ZC3H12B: variants seen among roughly 807,000 people sequenced by gnomAD.
ZC3H12B encodes zinc finger CCCH-type containing 12B.
ZC3H12B carries 7 observed loss-of-function variants against 43.9 expected under a neutral mutation model. The ratio of observed to expected loss-of-function variants is 0.16; its 90% CI spans 0.09 to 0.30. The LOEUF is 0.30. Among genes scored for constraint, ZC3H12B ranks in the 10% least tolerant of loss-of-function variants. The pLI is 1.00. For synonymous variants in ZC3H12B, 222 were observed against 241.7 expected (o/e 0.92, Z 0.76); for missense variants, 475 against 670.2 (o/e 0.71, Z 3.22).
chrX:65,335,825 G>C, the ZC3H12B span, among the ~76,000 whole-genome samples: 3 of 111,968 alleles, frequency 2.7e-5, no homozygotes, highest in Non-Finnish European at 5.6e-5. Flanking sequence ...CAAAATTCCT[G>C]TTCCCTGGAT....
intron 3 of ZC3H12B, among the ~76,000 whole-genome samples, chrX:65,425,280 T>A (rs764056204): frequency 9.0e-6 from 1 of 110,778 alleles, no homozygotes; most frequent in African/African-American, 3.3e-5. Flanking sequence ...CTGTTGTTGA[T>A]GTATATGAAT....
the ZC3H12B span, among the ~76,000 whole-genome samples, chrX:65,157,589 T>C: frequency 9.0e-6 from 1 of 111,465 alleles, no homozygotes; most frequent in Non-Finnish European, 1.9e-5. Flanking sequence ...TCTCTCTATA[T>C]TACTATGTTT....
At chrX:65,415,612 A>G (rs948492239) in intron 3 of ZC3H12B, among the ~76,000 whole-genome samples, 5 of 111,796 alleles carry the variant, frequency 4.5e-5, no homozygotes, top group East Asian at 2.8e-4. Flanking sequence ...ATAATGAGGC[A>G]TGTCTGACCC....
At chrX:65,389,951 T>C (rs1237840684) in intron 2 of ZC3H12B, among the ~76,000 whole-genome samples, 1 of 112,095 alleles carries the variant, frequency 8.9e-6, no homozygotes, top group Non-Finnish European at 1.9e-5. Context: ...TAAAGACACA[T>C]GCACACGTAT....
At chrX:65,124,702 G>A in the ZC3H12B span, among the ~76,000 whole-genome samples, 1 of 110,349 alleles carries the variant, frequency 9.1e-6, no homozygotes, top group Non-Finnish European at 1.9e-5. Context: ...TACCTTCTTA[G>A]TTTAATCTAG....
At chrX:65,212,257 A>T in the ZC3H12B span, among the ~76,000 whole-genome samples, 3 of 35,719 alleles carry the variant, frequency 8.4e-5, no homozygotes, top group African/African-American at 2.4e-4. Flanking sequence ...TATAATATAT[A>T]ATATATTATA....
the ZC3H12B span, among the ~76,000 whole-genome samples, chrX:65,321,192 T>A: frequency 2.0e-5 from 2 of 99,831 alleles, no homozygotes; most frequent in Non-Finnish European, 3.8e-5. Flanking sequence ...TAAACGGATG[T>A]ACAACAAAAA....
the ZC3H12B span, among the ~76,000 whole-genome samples, chrX:65,283,119 T>C: frequency 9.0e-6 from 1 of 111,341 alleles, no homozygotes; most frequent in Non-Finnish European, 1.9e-5. Flanking sequence ...GAAAAGCTTA[T>C]CCACCAAGAT....
intron 2 of ZC3H12B, among the ~76,000 whole-genome samples, chrX:65,377,387 G>C (rs752668538): frequency 1.8e-5 from 2 of 109,803 alleles, no homozygotes; most frequent in South Asian, 7.8e-4. Flanking sequence ...CCAAACCTGG[G>C]GAAAAAAATC....
chrX:65,081,164 A>G, the ZC3H12B span, among the ~76,000 whole-genome samples: 1 of 110,759 alleles, frequency 9.0e-6, no homozygotes, highest in Non-Finnish European at 1.9e-5. Context: ...AAAATAAATT[A>G]TATCACCAGA....
At chrX:65,468,645 G>A (rs1268100569) in intron 3 of ZC3H12B, among the ~76,000 whole-genome samples, 61 of 93,831 alleles carry the variant, frequency 6.5e-4, no homozygotes, top group African/African-American at 2.8e-3. Flanking sequence ...CACCGTGCCC[G>A]GCTAATTTTT....
chrX:65,436,457 TG>T lies in ZC3H12B; in HGVS notation n.407+37756del, dbSNP rs745791088. Among the ~76,000 whole-genome samples the T allele has an allele frequency of 3.6e-5, 4 of 112,632 alleles. No individual in the cohort carries two copies. The South Asian group carries it at 1.5e-3, about 41-fold the overall frequency. On this transcript the variant is annotated intron_variant and non_coding_transcript_variant, in intron 3 of 5. Transcript: ENST00000617377. The stretch of plus-strand genomic sequence containing the variant: ...CCAATTGCATGGTGTCCACACATAT[TG>T]GGTGAGGTGGATCTTCCTTCCTCAG...
At chrX:65,151,199 A>C in the ZC3H12B span, among the ~76,000 whole-genome samples, 1 of 112,120 alleles carries the variant, frequency 8.9e-6, no homozygotes, top group Admixed American at 9.5e-5. Context: ...ATATTTCAAA[A>C]TTAGGGTTAC....
intron 4 of ZC3H12B, 64 bp downstream of exon 9, chrX:65,500,053 TTTCTC>T: frequency 2.2e-6 from 2 of 893,008 alleles, no homozygotes; most frequent in Non-Finnish European, 3.2e-6. Context: ...TGTGAACACT[TTTCTC>T]TTCCAGGTTT....
chrX:65,324,054 T>C, the ZC3H12B span, among the ~76,000 whole-genome samples: 1 of 112,120 alleles, frequency 8.9e-6, no homozygotes, highest in Admixed American at 9.4e-5. Flanking sequence ...TGTTTTTTTC[T>C]TGTAAATTTG....
At chrX:65,476,417 C>T (rs2148205298) in intron 3 of ZC3H12B, among the ~76,000 whole-genome samples, 1 of 111,607 alleles carries the variant, frequency 9.0e-6, no homozygotes, top group African/African-American at 3.3e-5. Flanking sequence ...TTCTTTCTCT[C>T]TTTTTTTGAA....
chrX:65,332,032 T>A, the ZC3H12B span, among the ~76,000 whole-genome samples: 1 of 111,368 alleles, frequency 9.0e-6, no homozygotes, highest in Admixed American at 9.6e-5. Context: ...ACCTTCTATC[T>A]CATCCTGTGA....
the ZC3H12B span, among the ~76,000 whole-genome samples, chrX:65,073,949 A>T: frequency 8.9e-6 from 1 of 111,791 alleles, no homozygotes; most frequent in Non-Finnish European, 1.9e-5. Flanking sequence ...ATCTGCTAGG[A>T]GTGCGCCAGT....
At chrX:65,247,154 T>C in the ZC3H12B span, among the ~76,000 whole-genome samples, 1 of 112,126 alleles carries the variant, frequency 8.9e-6, no homozygotes, top group African/African-American at 3.2e-5. Context: ...ACATCACTGA[T>C]TATTAGAGAA....
Sources: allele counts gnomAD v4.1 joint callset (sites outside exome capture counted in the v4.1 genomes callset), GRCh38; gene constraint gnomAD v4.1.1; transcripts MANE v1.5; gene names NCBI Gene and HGNC (gene_info 2026-07-23, HGNC 2026-07-21).